The following ANOS1 variants were observed in gnomAD, a reference collection of about 807,000 sequenced individuals.
The protein encoded by ANOS1 is anosmin 1.
Under a neutral mutation model 59.0 loss-of-function variants are expected in ANOS1, and 6 were observed. The observed-to-expected ratio is 0.10, with a 90% confidence interval of 0.06 to 0.20. ANOS1 has a LOEUF of 0.20. Ranked by LOEUF, ANOS1 falls within the 10% of genes least tolerant of loss-of-function variation. The probability of loss-of-function intolerance (pLI) is 1.00; values close to 1 mark genes in which losing one functional copy is unlikely to be tolerated. For missense variants in ANOS1, 433 were observed against 542.3 expected (o/e 0.80, Z 2.00); for synonymous variants, 217 against 223.4 (o/e 0.97, Z 0.25).
At chrX:8,675,302 A>G (rs1932318966) in intron 2 of ANOS1, among the ~76,000 whole-genome samples, 2 of 112,050 alleles carry the variant, frequency 1.8e-5, no homozygotes, top group African/African-American at 6.5e-5. Flanking sequence ...AGGCCAAAAC[A>G]TATGGTAATA....
intron 2 of ANOS1, among the ~76,000 whole-genome samples, chrX:8,660,488 GAT>G (rs1463128923): frequency 1.8e-5 from 2 of 111,475 alleles, no homozygotes; most frequent in Non-Finnish European, 3.8e-5. Flanking sequence ...ATGACCAAGA[GAT>G]ATGGCCAGGG....
chrX:8,550,409 C>A (rs765939412), intron 9 of ANOS1, among the ~76,000 whole-genome samples: 1 of 111,426 alleles, frequency 9.0e-6, no homozygotes, highest in Non-Finnish European at 1.9e-5. Flanking sequence ...TTTTAAGATG[C>A]GAATTCTTCA....
chrX:8,662,660 C>T (rs1282095626), intron 2 of ANOS1, among the ~76,000 whole-genome samples: 5 of 112,168 alleles, frequency 4.5e-5, no homozygotes, highest in Non-Finnish European at 9.4e-5. Flanking sequence ...TGGGCCCTCA[C>T]CCAATGACTG....
Position 8,669,125 on chromosome X carries a change from C to T in ANOS1, c.255+30573G>A, listed in dbSNP as rs193060552. On this transcript the variant is annotated intron_variant, in intron 2 of 13. Transcript: ENST00000262648. ...TTGGTGGTGCCTTCCTCCCTCAAAG[C>T]GTCACAGCAAGTCCTTTCATTGTGG... Among the ~76,000 whole-genome samples, 470 of 111,602 alleles carry T rather than the reference C, an allele frequency of 4.2e-3. 2 individuals are homozygous for T. The highest frequency in any genetic ancestry group is 0.015 in the African/African-American group (446 of 30,664).
chrX:8,669,065 T>C (rs1307022305), intron 2 of ANOS1, among the ~76,000 whole-genome samples: 3 of 112,274 alleles, frequency 2.7e-5, no homozygotes, highest in Non-Finnish European at 5.6e-5. Flanking sequence ...TAATTGGAGA[T>C]GTCTGGCTCT....
intron 2 of ANOS1, among the ~76,000 whole-genome samples, chrX:8,671,745 CCAA>C (rs1206376251): frequency 1.8e-5 from 2 of 108,579 alleles, no homozygotes; most frequent in Admixed American, 1.0e-4. Flanking sequence ...TGAAAAAATT[CCAA>C]CGACAGGAAT....
At chrX:8,610,282 C>T (rs952744701) in intron 3 of ANOS1, among the ~76,000 whole-genome samples, 7 of 111,150 alleles carry the variant, frequency 6.3e-5, no homozygotes, top group South Asian at 3.7e-4. Context: ...TATGTAACCA[C>T]GTTATTCAGA....
intron 2 of ANOS1, among the ~76,000 whole-genome samples, chrX:8,644,888 A>G (rs1931726913): frequency 8.9e-6 from 1 of 112,323 alleles, no homozygotes. Context: ...ACCAATGTAT[A>G]TCTTCCATGT....
At chrX:8,659,463 CTCCT>C (rs1931992402) in intron 2 of ANOS1, among the ~76,000 whole-genome samples, 1 of 106,290 alleles carries the variant, frequency 9.4e-6, no homozygotes, top group Admixed American at 1.0e-4. Context: ...CCCTCCCTCC[CTCCT>C]TCCTTGCTTG....
chrX:8,537,885 C>T (rs189063958), intron 10 of ANOS1, among the ~76,000 whole-genome samples: 22 of 110,483 alleles, frequency 2.0e-4, no homozygotes, highest in African/African-American at 6.2e-4. Flanking sequence ...GCAGCGTTGA[C>T]GGGAAAAACA....
chrX:8,728,215 T>C (rs1049406488), intron 1 of ANOS1, among the ~76,000 whole-genome samples: 1 of 112,207 alleles, frequency 8.9e-6, no homozygotes, highest in Non-Finnish European at 1.9e-5. Flanking sequence ...AACTGTGTGA[T>C]GAGCCAACTT....
At chrX:8,564,692 C>T (rs1410133874) in intron 8 of ANOS1, among the ~76,000 whole-genome samples, 1 of 111,256 alleles carries the variant, frequency 9.0e-6, no homozygotes, top group Non-Finnish European at 1.9e-5. Flanking sequence ...AGGGTGCCTC[C>T]ACCTTAGAAT....
chrX:8,571,380 G>T (rs1930230947), intron 6 of ANOS1, among the ~76,000 whole-genome samples: 1 of 111,086 alleles, frequency 9.0e-6, no homozygotes, highest in African/African-American at 3.3e-5. Context: ...AAGCAACAAA[G>T]AATCACCTTT....
At chrX:8,540,829 G>A (rs1007095304) in intron 9 of ANOS1, among the ~76,000 whole-genome samples, 41 of 110,304 alleles carry the variant, frequency 3.7e-4, no homozygotes, top group Non-Finnish European at 6.4e-4. Flanking sequence ...GGGCACTCCG[G>A]GCATTTAGCT....
At chrX:8,541,359 C>T (rs1374621794) in intron 9 of ANOS1, among the ~76,000 whole-genome samples, 2 of 101,727 alleles carry the variant, frequency 2.0e-5, no homozygotes, top group Non-Finnish European at 2.0e-5. Flanking sequence ...GCCGAGATCA[C>T]GCCACTGCAC....
intron 2 of ANOS1, among the ~76,000 whole-genome samples, chrX:8,694,842 A>C (rs1932660192): frequency 8.9e-6 from 1 of 112,041 alleles, no homozygotes; most frequent in Non-Finnish European, 1.9e-5. Context: ...TAAGATAAAA[A>C]TTGTTTGCAA....
chrX:8,598,286 G>A (rs1930779407), intron 3 of ANOS1, among the ~76,000 whole-genome samples: 1 of 111,890 alleles, frequency 8.9e-6, no homozygotes, highest in African/African-American at 3.3e-5. Context: ...AGAATAGGAA[G>A]CCCTGGACTT....
chrX:8,693,586 A>G (rs1050714631), intron 2 of ANOS1, among the ~76,000 whole-genome samples: 18 of 111,106 alleles, frequency 1.6e-4, no homozygotes, highest in African/African-American at 5.9e-4. Flanking sequence ...AATGATGGAA[A>G]AGAGTTAGAA....
chrX:8,577,641 G>A, intron 6 of ANOS1, among the ~76,000 whole-genome samples: 1 of 112,290 alleles, frequency 8.9e-6, no homozygotes, highest in South Asian at 3.7e-4. Context: ...ATCACATGTG[G>A]TGCTTTCAGG....
Sources: allele counts gnomAD v4.1 joint callset (sites outside exome capture counted in the v4.1 genomes callset), GRCh38; gene constraint gnomAD v4.1.1; transcripts MANE v1.5; gene names NCBI Gene and HGNC (gene_info 2026-07-23, HGNC 2026-07-21).